CHST9: variants seen among roughly 807,000 people sequenced by gnomAD.
The protein encoded by CHST9 is GalNAc-4-sulfotransferase 2.
A neutral mutation model predicts 44.4 loss-of-function variants in CHST9; 41 were observed. That is an observed-to-expected ratio of 0.92 (90% CI 0.72 to 1.20). The LOEUF (loss-of-function observed/expected upper bound fraction) is 1.20. Among genes scored for constraint, CHST9 ranks in the 50% most tolerant of loss-of-function variants. The probability of loss-of-function intolerance (pLI) is 0.00; values close to 1 mark genes in which losing one functional copy is unlikely to be tolerated. For synonymous variants in CHST9, 171 were observed against 178.4 expected, an observed-to-expected ratio of 0.96 and a Z score of 0.33; for missense variants, 504 against 516.5, an observed-to-expected ratio of 0.98 and a Z score of 0.23.
At chr18:27,119,585 T>G (rs916321056) in intron 2 of CHST9, among the ~76,000 whole-genome samples, 1 of 152,080 alleles carries the variant, frequency 6.6e-6, no homozygotes, top group Non-Finnish European at 1.5e-5. Flanking sequence ...AGCTTAAGCC[T>G]CTGTTTGTTT....
intron 2 of CHST9, among the ~76,000 whole-genome samples, chr18:27,058,050 G>A (rs2057678217): frequency 6.6e-6 from 1 of 152,156 alleles, no homozygotes; most frequent in Admixed American, 6.5e-5. Context: ...TCATTTCTTG[G>A]CAGAGAAGAT....
At chr18:26,992,594 A>C (rs1376096412) in intron 4 of CHST9, among the ~76,000 whole-genome samples, 1 of 152,098 alleles carries the variant, frequency 6.6e-6, no homozygotes, top group Non-Finnish European at 1.5e-5. Context: ...GACAGAACTG[A>C]AGTTATGATT....
chr18:27,099,986 G>C (rs1306161595), intron 2 of CHST9, among the ~76,000 whole-genome samples: 2 of 150,144 alleles, frequency 1.3e-5, no homozygotes, highest in Non-Finnish European at 3.0e-5. Flanking sequence ...TCCATCAATG[G>C]TATTTTGGAT....
At chr18:27,134,188 CA>C (rs1413295618) in intron 2 of CHST9, among the ~76,000 whole-genome samples, 2 of 151,990 alleles carry the variant, frequency 1.3e-5, no homozygotes, top group African/African-American at 4.8e-5. Context: ...CAGAGAGGCT[CA>C]GGGGAAAAGA....
Position 27,025,704 on chromosome 18 carries a change from AG to A in CHST9, c.161-1548del, listed in dbSNP as rs574669143. ...AGGTCCTTCAGTACAACTGATCCCCAGGGGCTGGACCTGGATATGTAATGCA... is the reference window on the plus strand; with the variant it reads ...AGGTCCTTCAGTACAACTGATCCCCAGGGCTGGACCTGGATATGTAATGCA... On this transcript the variant is annotated intron_variant, in intron 3 of 5. Transcript: ENST00000618847. Among the ~76,000 whole-genome samples the A allele has an allele frequency of 1.6e-4, 24 of 152,248 alleles. No homozygotes were observed. In the East Asian group the frequency reaches 4.6e-3, roughly 29 times the overall value.
chr18:27,148,106 A>G (rs1252538019), intron 1 of CHST9, among the ~76,000 whole-genome samples: 4 of 152,040 alleles, frequency 2.6e-5, no homozygotes, highest in Admixed American at 6.6e-5. Context: ...ATAACTGAGA[A>G]CATGCAGTAT....
At chr18:27,128,003 T>C (rs1481526401) in intron 2 of CHST9, among the ~76,000 whole-genome samples, 1 of 152,154 alleles carries the variant, frequency 6.6e-6, no homozygotes, top group African/African-American at 2.4e-5. Context: ...ACATAAAAGC[T>C]GCCTCTCTAG....
intron 2 of CHST9, among the ~76,000 whole-genome samples, chr18:27,074,724 T>C (rs1265774915): frequency 9.2e-5 from 14 of 151,516 alleles, no homozygotes; most frequent in Non-Finnish European, 1.5e-5. Context: ...AAGCTTATAC[T>C]TTATTTTTTA....
chr18:27,160,793 T>A (rs1173347567), intron 1 of CHST9, among the ~76,000 whole-genome samples: 2 of 152,052 alleles, frequency 1.3e-5, no homozygotes, highest in Non-Finnish European at 2.9e-5. Context: ...TCAGAGCCTG[T>A]TATTGGTCTA....
intron 2 of CHST9, among the ~76,000 whole-genome samples, chr18:27,140,860 T>A (rs2058558665): frequency 6.6e-6 from 1 of 152,244 alleles, no homozygotes; most frequent in African/African-American, 2.4e-5. Context: ...ATAGTTTATG[T>A]AAACTGTAAA....
chr18:27,141,711 G>T (rs1311195240), intron 2 of CHST9, among the ~76,000 whole-genome samples: 6 of 132,646 alleles, frequency 4.5e-5, no homozygotes, highest in Non-Finnish European at 9.3e-5. Flanking sequence ...TTTTGGAGAA[G>T]ATTCTTAAGG....
intron 4 of CHST9, among the ~76,000 whole-genome samples, chr18:26,980,232 T>C (rs1333730471): frequency 2.0e-5 from 3 of 152,152 alleles, no homozygotes; most frequent in Admixed American, 1.3e-4. Context: ...TTGTCTTTCT[T>C]CCAAAGAAGA....
chr18:27,157,260 T>C (rs1002762944), intron 1 of CHST9, among the ~76,000 whole-genome samples: 4 of 152,000 alleles, frequency 2.6e-5, no homozygotes, highest in Non-Finnish European at 5.9e-5. Flanking sequence ...GTGTCTTTTA[T>C]AGAAAGAATA....
At chr18:26,975,719 G>GTATATA in intron 4 of CHST9, among the ~76,000 whole-genome samples, 1 of 83,308 alleles carries the variant, frequency 1.2e-5, no homozygotes, top group African/African-American at 4.4e-5. Flanking sequence ...ATGTGTGTGT[G>GTATATA]TGTGTGTATA....
intron 2 of CHST9, among the ~76,000 whole-genome samples, chr18:27,132,415 C>T (rs866457974): frequency 6.6e-6 from 1 of 152,170 alleles, no homozygotes; most frequent in Admixed American, 6.5e-5. Context: ...GCACCCCACC[C>T]CAAACCAAGC....
At chr18:27,152,299 G>A (rs1598761135) in intron 1 of CHST9, among the ~76,000 whole-genome samples, 2 of 150,860 alleles carry the variant, frequency 1.3e-5, no homozygotes, top group South Asian at 4.2e-4. Flanking sequence ...AGAAGAAAAA[G>A]TTTTAAACTC....
At chr18:27,162,801 T>C (rs2058758386) in intron 1 of CHST9, among the ~76,000 whole-genome samples, 3 of 152,244 alleles carry the variant, frequency 2.0e-5, no homozygotes, top group African/African-American at 7.2e-5. Context: ...TGAAGCCTTC[T>C]TCTCTCAAGT....
At chr18:27,009,915 T>C (rs2057062539) in intron 4 of CHST9, among the ~76,000 whole-genome samples, 1 of 152,188 alleles carries the variant, frequency 6.6e-6, no homozygotes, top group Non-Finnish European at 1.5e-5. Flanking sequence ...ACACACTTCA[T>C]GAGCCTTGGA....
At chr18:27,150,321 T>C (rs1240783951) in intron 1 of CHST9, among the ~76,000 whole-genome samples, 3 of 152,198 alleles carry the variant, frequency 2.0e-5, no homozygotes, top group Non-Finnish European at 4.4e-5. Context: ...CTTCTGTGTC[T>C]GTGTCTGAGT....
Sources: gnomAD v4.1 joint callset for allele counts (sites outside exome capture counted in the v4.1 genomes callset) on GRCh38, gnomAD v4.1.1 for gene constraint, MANE v1.5 for transcripts, NCBI Gene and HGNC (gene_info 2026-07-23, HGNC 2026-07-21) for gene names.